The following STK38 variants were observed in gnomAD, a reference collection of about 807,000 sequenced individuals.
STK38 encodes the protein serine/threonine-protein kinase 38.
STK38 carries 26 observed loss-of-function variants against 59.0 expected under a neutral mutation model. The ratio of observed to expected loss-of-function variants is 0.44; its 90% CI spans 0.32 to 0.61. The LOEUF is 0.61. Among genes scored for constraint, STK38 ranks in the 20% least tolerant of loss-of-function variants. The pLI is 0.04. For synonymous variants in STK38, 175 were observed against 176.6 expected, an observed-to-expected ratio of 0.99 and a Z score of 0.07; for missense variants, 433 against 566.0, an observed-to-expected ratio of 0.76 and a Z score of 2.38.
intron 10 of STK38, among the ~76,000 whole-genome samples, chr6:36,498,714 A>G (rs750073579): frequency 6.6e-6 from 1 of 150,978 alleles, no homozygotes; most frequent in Non-Finnish European, 1.5e-5. Context: ...CAGCCTTCCC[A>G]GTAGGTGGGA....
rs1264166246 is a variant in STK38 at position 36,517,796 on chromosome 6, G to A, written c.435C>T (p.Asp145=). 1.2e-6 allele frequency: 2 copies of A among 1,614,136 alleles called. No homozygotes were observed. Among genetic ancestry groups the A allele is most frequent in the Non-Finnish European group, 1.7e-6 (2 of 1,180,002 alleles). ...AGAACATTTTCACAACCCACAAACT[G>A]TCTGCCTCCACTAGAATGTCACGCT... ...RAERDILVEA[D]SLWVVKMFYS... The change falls in exon 6 of 14, where the codon GAC becomes GAT. Residue 145 remains aspartate, a synonymous_variant. Coordinates refer to ENST00000229812, the MANE Select transcript of STK38 (RefSeq NM_007271.4).
intron 2 of STK38, among the ~76,000 whole-genome samples, chr6:36,527,207 A>AATATAT (rs1554168829): frequency 0.012 from 1,423 of 119,272 alleles, 20 homozygotes; most frequent in South Asian, 0.036. Context: ...AAAAAAAAAA[A>AATATAT]ATATATGTAT....
chr6:36,531,283 T>C (rs967879254), intron 2 of STK38, among the ~76,000 whole-genome samples: 6 of 152,190 alleles, frequency 3.9e-5, no homozygotes, highest in African/African-American at 1.4e-4. Context: ...AAGACTTTGT[T>C]TGATTTGGGA....
At chr6:36,497,101 A>G (rs892093185) in intron 12 of STK38, among the ~76,000 whole-genome samples, 3 of 152,242 alleles carry the variant, frequency 2.0e-5, no homozygotes, top group African/African-American at 7.2e-5. Context: ...TGTCTACTAA[A>G]AAGGGAAACT....
At chr6:36,504,918 A>G (rs1020648416) in intron 9 of STK38, among the ~76,000 whole-genome samples, 11 of 145,610 alleles carry the variant, frequency 7.6e-5, no homozygotes, top group Admixed American at 6.8e-5. Flanking sequence ...AAAAAAAAAA[A>G]AAAAGAAAGA....
intron 7 of STK38, among the ~76,000 whole-genome samples, chr6:36,511,796 C>T (rs1490143062): frequency 2.0e-5 from 3 of 151,932 alleles, no homozygotes; most frequent in South Asian, 2.1e-4. Flanking sequence ...CAGTGGCTCA[C>T]GCCTGTAATC....
At chr6:36,547,054 G>C (rs894856252) in intron 1 of STK38, 136 bp downstream of exon 1, 2 of 153,248 alleles carry the variant, frequency 1.3e-5, no homozygotes, top group African/African-American at 4.8e-5. Context: ...GAGAGGCCAA[G>C]AGGCTGAGAG....
chr6:36,497,299 A>G (rs1426253697), intron 12 of STK38, among the ~76,000 whole-genome samples: 2 of 152,272 alleles, frequency 1.3e-5, no homozygotes, highest in Non-Finnish European at 2.9e-5. Context: ...TCTGGACTAC[A>G]GCAGGTGGTC....
intron 12 of STK38, among the ~76,000 whole-genome samples, 198 bp from the exon 13 acceptor site, chr6:36,497,003 A>T (rs573780501): frequency 1.3e-5 from 2 of 152,350 alleles, no homozygotes; most frequent in African/African-American, 4.8e-5. Context: ...TTATGATTTT[A>T]AAAAAATAAC....
chr6:36,531,804 A>T (rs1777672548), intron 2 of STK38, among the ~76,000 whole-genome samples: 1 of 152,220 alleles, frequency 6.6e-6, no homozygotes, highest in Non-Finnish European at 1.5e-5. Context: ...CACAGGAAAC[A>T]ATTCCCAAAT....
At chr6:36,530,916 C>T (rs1777654120) in intron 2 of STK38, among the ~76,000 whole-genome samples, 1 of 152,074 alleles carries the variant, frequency 6.6e-6, no homozygotes, top group African/African-American at 2.4e-5. Flanking sequence ...TCTTGAGCCC[C>T]TGACCTCAAG....
intron 2 of STK38, among the ~76,000 whole-genome samples, chr6:36,534,203 A>G (rs1237699486): frequency 6.6e-6 from 1 of 152,210 alleles, no homozygotes; most frequent in Non-Finnish European, 1.5e-5. Context: ...AAGGAGAAAA[A>G]CAATATGACC....
intron 9 of STK38, among the ~76,000 whole-genome samples, chr6:36,502,435 G>A (rs533894692): frequency 2.7e-4 from 41 of 152,254 alleles, no homozygotes; most frequent in African/African-American, 7.9e-4. Flanking sequence ...TTTTTAAGTT[G>A]TGTTGTCCTT....
chr6:36,503,537 T>C (rs912259936), intron 9 of STK38, among the ~76,000 whole-genome samples: 3 of 152,104 alleles, frequency 2.0e-5, no homozygotes, highest in African/African-American at 7.2e-5. Context: ...AACTGACATG[T>C]GGATTAGGCC....
chr6:36,528,424 G>A (rs1018330612), intron 2 of STK38, among the ~76,000 whole-genome samples: 3 of 152,144 alleles, frequency 2.0e-5, no homozygotes, highest in Non-Finnish European at 4.4e-5. Flanking sequence ...GAAGTGAATA[G>A]AGCTATTGCA....
chr6:36,523,070 C>G (rs1157549970), intron 4 of STK38, among the ~76,000 whole-genome samples: 1 of 151,946 alleles, frequency 6.6e-6, no homozygotes, highest in Non-Finnish European at 1.5e-5. Context: ...AGGTTTTCTT[C>G]TCCCTGAACC....
In STK38 at chr6:36,507,481, C is replaced by T. The variant is rs750723719; in HGVS notation, c.772+19G>A. ...GGCCCAGTTAGAACGAAAAGGCTAA[C>T]GTAATTGTTACCACTTACTGAAATC... On this transcript the variant is annotated intron_variant, in intron 8 of 13. Coordinates refer to ENST00000229812, the MANE Select transcript of STK38 (RefSeq NM_007271.4). 35 of 1,604,874 alleles carry T rather than the reference C, an allele frequency of 2.2e-5. No homozygotes were observed. Among genetic ancestry groups the T allele is most frequent in the Non-Finnish European group, 2.7e-5 (32 of 1,171,956 alleles).
intron 1 of STK38, among the ~76,000 whole-genome samples, chr6:36,540,634 T>A (rs1408100931): frequency 6.6e-6 from 1 of 152,196 alleles, no homozygotes; most frequent in Admixed American, 6.5e-5. Flanking sequence ...ATATCTTTTT[T>A]TTTCTTTTTG....
In STK38 at chr6:36,525,650, A is replaced by C. The variant is rs372152458; in HGVS notation, c.132-8T>G. 9 of 1,610,318 alleles carry C rather than the reference A, an allele frequency of 5.6e-6. No individual in the cohort carries two copies. In the African/African-American group the frequency reaches 1.2e-4, roughly 22 times the overall value. Reference sequence around the variant, plus strand: ...TTTTCTAACTTCTTTTGTCTAAAACAAACAAAAACAAAAGACATGAAATCA... The same window carrying C: ...TTTTCTAACTTCTTTTGTCTAAAACCAACAAAAACAAAAGACATGAAATCA... On this transcript the variant is annotated splice_region_variant and splice_polypyrimidine_tract_variant and intron_variant, in intron 2 of 13. Coordinates refer to ENST00000229812, the MANE Select transcript of STK38 (RefSeq NM_007271.4).
Sources: gnomAD v4.1 joint callset for allele counts (sites outside exome capture counted in the v4.1 genomes callset) on GRCh38, gnomAD v4.1.1 for gene constraint, MANE v1.5 for transcripts, NCBI Gene and HGNC (gene_info 2026-07-23, HGNC 2026-07-21) for gene names.